KNTC1: variants seen among roughly 807,000 people sequenced by gnomAD.
KNTC1 encodes kinetochore-associated protein 1.
KNTC1 carries 253 observed loss-of-function variants against 314.4 expected under a neutral mutation model. That is an observed-to-expected ratio of 0.80 (90% CI 0.73 to 0.89). The LOEUF (loss-of-function observed/expected upper bound fraction) is 0.89. Among genes scored for constraint, KNTC1 ranks in the 40% least tolerant of loss-of-function variants. The pLI, the probability that KNTC1 is intolerant of heterozygous loss-of-function variation, is 0.00. For synonymous variants in KNTC1, 901 were observed against 901.4 expected (o/e 1.00, Z 0.01); for missense variants, 2,475 against 2,572.9 (o/e 0.96, Z 0.82).
chr12:122,527,317 ATCTGAGTGTTCC>A lies in KNTC1; in HGVS notation c.-104_-93del, dbSNP rs1960754552. Reference sequence around the variant, plus strand: ...TGTGAGTCAGGAAGAGGGGCCAGATATCTGAGTGTTCCTCTTTAGTTTCTTCAATTGCAGGTG... The same window carrying A: ...TGTGAGTCAGGAAGAGGGGCCAGATATCTTTAGTTTCTTCAATTGCAGGTG... On this transcript the variant is annotated 5_prime_UTR_variant, in exon 1 of 64. Transcript: ENST00000333479. 5.8e-5 allele frequency: 11 copies of A among 189,552 alleles called. No homozygotes were observed. In the South Asian group the frequency reaches 9.5e-4, roughly 16 times the overall value. 11.7% of individuals were successfully genotyped at this position (189,552 alleles called of 1,614,324 possible). A position where few individuals can be genotyped will look rare whatever the true frequency, so the allele number is the denominator to read the frequency against.
In KNTC1 at chr12:122,552,910, T is replaced by A. The variant is rs1327135378; in HGVS notation, c.1272+1214T>A. 4.6e-5 allele frequency among the ~76,000 whole-genome samples: 7 copies of A among 152,172 alleles called. No individual in the cohort carries two copies. The East Asian group carries it at 1.4e-3, about 29-fold the overall frequency. On this transcript the variant is annotated intron_variant, in intron 16 of 63. Coordinates refer to ENST00000333479, the MANE Select transcript of KNTC1 (RefSeq NM_014708.6). The stretch of plus-strand genomic sequence containing the variant: ...GCTCACTCCTTTAATTCCAGCACTT[T>A]GGGAGACAGAGACAGGCAGATAACC...
At chr12:122,597,614 G>T in intron 43 of KNTC1, 117 bp from the exon 44 acceptor site, 1 of 814,672 alleles carries the variant, frequency 1.2e-6, no homozygotes, top group Non-Finnish European at 2.0e-6. Flanking sequence ...TTTGAGACTG[G>T]ACAATGACAA....
Position 122,585,735 on chromosome 12 carries a change from G to A in KNTC1, c.3634G>A (p.Val1212Met), listed in dbSNP as rs777382168. 3.0e-5 allele frequency: 49 copies of A among 1,613,682 alleles called. No individual in the cohort carries two copies. Among genetic ancestry groups the A allele is most frequent in the Non-Finnish European group, 4.1e-5 (48 of 1,179,780 alleles). ...IVLESQMVLP[V>M]IYELISSLVP... ...TCTTGAGTCACAGATGGTGCTTCCA[G>A]TGATTTATGAACTGATTTCATCTCT... The change falls in exon 37 of 64, where the codon GTG becomes ATG. Residue 1212 changes from valine (V) to methionine (M), a missense_variant. Coordinates refer to ENST00000333479, the MANE Select transcript of KNTC1 (RefSeq NM_014708.6).
intron 8 of KNTC1, among the ~76,000 whole-genome samples, chr12:122,545,972 A>G (rs754899637): frequency 6.6e-6 from 1 of 152,160 alleles, no homozygotes; most frequent in Non-Finnish European, 1.5e-5. Flanking sequence ...AAAAATTGTA[A>G]TAACCATGAA....
Position 122,546,198 on chromosome 12 carries a change from C to T in KNTC1, c.692C>T (p.Ser231Leu), listed in dbSNP as rs1296900756. The T allele has an allele frequency of 1.2e-6, 2 of 1,608,798 alleles. No individual in the cohort carries two copies. Among genetic ancestry groups the T allele is most frequent in the African/African-American group, 2.7e-5 (2 of 74,762 alleles). Residue 231 changes from serine (S) to leucine (L), a missense_variant, in exon 9 of 64, where the codon TCA becomes TTA. Transcript: ENST00000333479. The stretch of plus-strand genomic sequence containing the variant: ...CAGGGAACCGGTAATTGTGCATTCT[C>T]AAAATGGGAACCAGATTCTTCCAAG... ...IIGGTGNCAF[S>L]KWEPDSSKKG...
At chr12:122,597,988 C>A in intron 44 of KNTC1, 50 bp downstream of exon 44, 1 of 1,399,884 alleles carries the variant, frequency 7.1e-7, no homozygotes, top group South Asian at 1.2e-5. Context: ...CCCTCCCACC[C>A]TTAATAATTA....
intron 16 of KNTC1, among the ~76,000 whole-genome samples, chr12:122,557,152 T>A (rs1309889997): frequency 6.6e-6 from 1 of 152,198 alleles, no homozygotes; most frequent in Non-Finnish European, 1.5e-5. Context: ...TCTTAGTAAG[T>A]GTACTGCTTG....
chr12:122,615,781 A>G lies in KNTC1; in HGVS notation c.6030+255A>G, dbSNP rs563699949. Among the ~76,000 whole-genome samples the G allele has an allele frequency of 7.2e-5, 11 of 152,324 alleles. No homozygotes were observed. In the South Asian group the frequency reaches 2.3e-3, roughly 32 times the overall value. On this transcript the variant is annotated intron_variant, in intron 57 of 63. Coordinates refer to ENST00000333479, the MANE Select transcript of KNTC1 (RefSeq NM_014708.6). ...CAGCTCCGGCCTGGGGAACAGAGCT[A>G]GATCCTTTCCCTAAAATAAAGAAAG...
intron 31 of KNTC1, among the ~76,000 whole-genome samples, chr12:122,578,444 CAA>C (rs1328174227): frequency 6.6e-6 from 1 of 151,374 alleles, no homozygotes; most frequent in African/African-American, 2.4e-5. Flanking sequence ...TTTTTTGAGA[CAA>C]GAGTCTTGCT....
chr12:122,584,428 A>G lies in KNTC1; in HGVS notation c.3414A>G (p.Gln1138=), dbSNP rs1873824301. ...CCATGATACATGATCTAGCAAGCCA[A>G]GCTGCCACCATTTGCAGTCCAGGTG... ...LPSMIHDLAS[Q]AATICSPDFL... The change falls in exon 35 of 64, where the codon CAA becomes CAG. Residue 1138 remains glutamine, a synonymous_variant. Coordinates refer to ENST00000333479, the MANE Select transcript of KNTC1 (RefSeq NM_014708.6). 1 of 1,609,548 alleles carries G rather than the reference A, an allele frequency of 6.2e-7. No homozygotes were observed. Among genetic ancestry groups the G allele is most frequent in the African/African-American group, 1.3e-5 (1 of 74,906 alleles).
intron 48 of KNTC1, 33 bp from the exon 49 acceptor site, chr12:122,604,531 A>G (rs760112658): frequency 2.6e-6 from 3 of 1,171,014 alleles, no homozygotes; most frequent in Non-Finnish European, 3.6e-6. Flanking sequence ...TTGCCTGTAA[A>G]TCTTTATTTA....
intron 54 of KNTC1, 74 bp downstream of exon 54, chr12:122,613,304 T>C (rs1593682526): frequency 9.9e-7 from 1 of 1,006,950 alleles, no homozygotes; most frequent in East Asian, 2.4e-5. Flanking sequence ...TTTTAAGCCC[T>C]GAATTCAGAA....
intron 18 of KNTC1, among the ~76,000 whole-genome samples, chr12:122,559,339 CA>C (rs1963825332): frequency 6.6e-6 from 1 of 150,676 alleles, no homozygotes. Flanking sequence ...GACTCTGTCC[CA>C]AAAAAAATAA....
chr12:122,616,413 C>G (rs181388770), intron 57 of KNTC1, among the ~76,000 whole-genome samples: 3,580 of 152,224 alleles, frequency 0.024, 66 homozygotes, highest in South Asian at 0.06. Context: ...CAGGCGCATG[C>G]CGCCACGCCC....
intron 1 of KNTC1, among the ~76,000 whole-genome samples, chr12:122,529,494 A>AT (rs905387397): frequency 3.3e-5 from 5 of 151,934 alleles, no homozygotes; most frequent in Admixed American, 1.3e-4. Context: ...AACCTAATTC[A>AT]TTTTTTTCTC....
At chr12:122,589,452 ACTT>A (rs1398934274) in intron 40 of KNTC1, among the ~76,000 whole-genome samples, 1 of 148,270 alleles carries the variant, frequency 6.7e-6, no homozygotes, top group Non-Finnish European at 1.5e-5. Flanking sequence ...TTGTCAGATT[ACTT>A]CTTTAAAAAA....
At chr12:122,572,874 G>A in intron 24 of KNTC1, 63 bp from the exon 25 acceptor site, 1 of 1,264,944 alleles carries the variant, frequency 7.9e-7, no homozygotes. Context: ...AAATAATTCT[G>A]ATTCTATTTT....
chr12:122,561,881 A>G, intron 18 of KNTC1, 40 bp from the exon 19 acceptor site: 1 of 1,453,608 alleles, frequency 6.9e-7, no homozygotes, highest in African/African-American at 1.4e-5. Context: ...AATAAACAGT[A>G]GATATTCTTC....
At chr12:122,625,222 G>A (rs920890961) in intron 63 of KNTC1, among the ~76,000 whole-genome samples, 2 of 152,250 alleles carry the variant, frequency 1.3e-5, no homozygotes, top group African/African-American at 4.8e-5. Flanking sequence ...GGCCAACATG[G>A]TGAAACCCCG....
Sources: allele counts gnomAD v4.1 joint callset (sites outside exome capture counted in the v4.1 genomes callset), GRCh38; gene constraint gnomAD v4.1.1; transcripts MANE v1.5; gene names NCBI Gene and HGNC (gene_info 2026-07-23, HGNC 2026-07-21).